Variants in SPINDOC observed in about 807,000 individuals in gnomAD.
SPINDOC encodes the protein spindlin interactor and repressor of chromatin binding, also known as spindlin interactor and repressor of chromatin-binding protein.
Under a neutral mutation model 30.7 loss-of-function variants are expected in SPINDOC, and 13 were observed. The observed-to-expected ratio is 0.42, with a 90% CI of 0.28 to 0.67. The LOEUF (loss-of-function observed/expected upper bound fraction) is 0.67. Ranked by LOEUF, SPINDOC falls within the 30% of genes least tolerant of loss-of-function variation. The probability of loss-of-function intolerance (pLI) is 0.22; values close to 1 mark genes in which losing one functional copy is unlikely to be tolerated. For synonymous variants in SPINDOC, 228 were observed against 211.4 expected (o/e 1.08, Z -0.68); for missense variants, 438 against 518.0 (o/e 0.85, Z 1.50).
intron 1 of SPINDOC, among the ~76,000 whole-genome samples, chr11:63,815,537 T>C (rs1251003145): frequency 1.3e-5 from 2 of 152,168 alleles, no homozygotes; most frequent in East Asian, 3.8e-4. Context: ...CTAGATTTCC[T>C]GGAAGTATCT....
At chr11:63,822,537 C>G in intron 5 of SPINDOC, 1 of 1,146,886 alleles carries the variant, frequency 8.7e-7, no homozygotes, top group Non-Finnish European at 1.2e-6. Flanking sequence ...TGTGTAGTTG[C>G]TTTTGTTTAT....
intron 1 of SPINDOC, 42 bp downstream of exon 1, chr11:63,813,855 G>A (rs749802894): frequency 4.9e-5 from 72 of 1,478,298 alleles, no homozygotes; most frequent in Non-Finnish European, 6.1e-5. Flanking sequence ...ACGGTGCGGG[G>A]CCGGGGCTGG....
rs772855529 is a variant in SPINDOC, at chr11:63,818,538, A to G, written c.619A>G (p.Thr207Ala). The change falls in exon 4 of 6, where the codon ACA (threonine) becomes GCA (alanine). Residue 207 changes from threonine to alanine, a missense_variant. Thr to Ala is a moderately conservative substitution (Grantham distance 58, BLOSUM62 0). Coordinates refer to ENST00000294244, the MANE Select transcript of SPINDOC (RefSeq NM_138471.3). This position sits in a 1 kb window ranked among gnomAD's most constrained non-coding sequence, Gnocchi z 5.3. ...RPLELPAVPA[T>A]EPGNKKPRGQ... is the part of the protein sequence containing the mutation. ...TTTTCTTTTTGCAGCTGTCCCTGCC[A>G]CAGAGCCAGGAAATAAGAAGCCCCG... 2 of 1,612,722 alleles carry G rather than the reference A, an allele frequency of 1.2e-6. No homozygotes were observed. The highest frequency in any genetic ancestry group is 3.3e-5 in the Admixed American group (2 of 59,982).
At chr11:63,824,813 T>A (rs549008015) in intron 5 of SPINDOC, among the ~76,000 whole-genome samples, 1 of 150,282 alleles carries the variant, frequency 6.7e-6, no homozygotes, top group Non-Finnish European at 1.5e-5. Flanking sequence ...GAACCCCCAG[T>A]CTCACCAATG....
At chr11:63,820,909 A>AAAAAAAAAAAAC (rs749681859) in intron 5 of SPINDOC, among the ~76,000 whole-genome samples, 1 of 138,324 alleles carries the variant, frequency 7.2e-6, no homozygotes, top group Non-Finnish European at 1.6e-5. Context: ...AAAAAAAAAC[A>AAAAAAAAAAAAC]ACACACATCG....
intron 5 of SPINDOC, among the ~76,000 whole-genome samples, chr11:63,824,088 T>G (rs888662965): frequency 6.6e-6 from 1 of 151,908 alleles, no homozygotes; most frequent in Non-Finnish European, 1.5e-5. Context: ...TTTTGTATTA[T>G]TAGTAGAGAT....
At chr11:63,813,857 CGGGGCT>C in intron 1 of SPINDOC, 44 bp downstream of exon 1, 1 of 1,474,016 alleles carries the variant, frequency 6.8e-7, no homozygotes, top group Non-Finnish European at 9.1e-7. Context: ...GGTGCGGGGC[CGGGGCT>C]GGGGCCGTCC....
Position 63,818,710 on chromosome 11 carries a change from G to A in SPINDOC, c.733+58G>A, listed in dbSNP as rs1300033004. ...TGGCCGCAGTGCTCTGAGGAAATCC[G>A]CATCAGTGAGGATGGAGCAGGGCCT... On this transcript the variant is annotated intron_variant, in intron 4 of 5. Coordinates refer to ENST00000294244, the MANE Select transcript of SPINDOC (RefSeq NM_138471.3). The surrounding 1 kb of genome is among the most constrained non-coding windows in gnomAD (Gnocchi z 5.3). 2.0e-5 allele frequency: 33 copies of A among 1,611,380 alleles called. No individual in the cohort carries two copies. The highest frequency in any genetic ancestry group is 1.2e-4 in the African/African-American group (9 of 74,772).
intron 5 of SPINDOC, among the ~76,000 whole-genome samples, chr11:63,824,064 C>T (rs148505115): frequency 2.6e-5 from 4 of 152,126 alleles, no homozygotes; most frequent in African/African-American, 4.8e-5. Flanking sequence ...TGCGCCACCA[C>T]GCCTGGCTAA....
rs1321851586 is a variant in SPINDOC, at chr11:63,817,872, G to A, written c.195G>A (p.Glu65=). The A allele has an allele frequency of 6.2e-7, 1 of 1,611,896 alleles. No individual in the cohort carries two copies. Among genetic ancestry groups the A allele is most frequent in the South Asian group, 1.1e-5 (1 of 90,754 alleles). The change falls in exon 2 of 6, where the codon GAG becomes GAA. Residue 65 remains glutamate, a synonymous_variant. Transcript: ENST00000294244. ...TAGAGGCAGGCAGTGATGGCTGTGA[G>A]GAGCCGAAGCAGCAGGTGTCTTGGG... The part of the protein sequence containing the change: ...SPLEAGSDGC[E]EPKQQVSWEQ...
chr11:63,822,133 AG>A lies in SPINDOC; in HGVS notation c.934+3133del, dbSNP rs1269973292. ...CAAAGTGGGAAGATTGCCTGAGGCT[AG>A]GTGTTCGAGACCAACCTGAGCAACA... On this transcript the variant is annotated intron_variant, in intron 5 of 5. Transcript: ENST00000294244. Among the ~76,000 whole-genome samples, 3 of 152,126 alleles carry A rather than the reference AG, an allele frequency of 2.0e-5. No individual in the cohort carries two copies. In the East Asian group the frequency reaches 5.8e-4, roughly 29 times the overall value.
chr11:63,815,769 T>A, intron 1 of SPINDOC, among the ~76,000 whole-genome samples: 1 of 128,560 alleles, frequency 7.8e-6, no homozygotes, highest in South Asian at 2.3e-4. Flanking sequence ...TGGTCATGGA[T>A]TTTTTTTTTT....
In SPINDOC at chr11:63,818,740, G is replaced by A. The variant is rs529071042; in HGVS notation, c.734-62G>A. ...AGTGAGGATGGAGCAGGGCCTGGGC[G>A]CAGGGCGCCTGCAGCTCCTGAGGCT... On this transcript the variant is annotated intron_variant, in intron 4 of 5. Transcript: ENST00000294244. This position sits in a 1 kb window ranked among gnomAD's most constrained non-coding sequence, Gnocchi z 5.3. The A allele has an allele frequency of 5.6e-6, 9 of 1,611,832 alleles. No individual in the cohort carries two copies. Among genetic ancestry groups the A allele is most frequent in the African/African-American group, 2.7e-5 (2 of 74,984 alleles).
chr11:63,814,640 A>G (rs1471024981), intron 1 of SPINDOC, among the ~76,000 whole-genome samples: 1 of 152,188 alleles, frequency 6.6e-6, no homozygotes, highest in African/African-American at 2.4e-5. Flanking sequence ...GCGGGATAGT[A>G]CCCAAAAGAG....
chr11:63,813,846 C>G, intron 1 of SPINDOC, 33 bp downstream of exon 1: 2 of 1,483,776 alleles, frequency 1.3e-6, no homozygotes, highest in Non-Finnish European at 9.0e-7. Flanking sequence ...TTCCGCGTCA[C>G]GGTGCGGGGC....
At position 63,822,510 on chromosome 11, in the gene SPINDOC, CTG is replaced by C. The variant is rs974345742; in HGVS notation, c.934+3514_934+3515del. On this transcript the variant is annotated intron_variant, in intron 5 of 5. Coordinates refer to ENST00000294244, the MANE Select transcript of SPINDOC (RefSeq NM_138471.3). ...GTTTGTATCCTTCAGAGAGAGCTCT[CTG>C]TGTGTTTGCGTGTGTGTGTAGTTGC... 5.5e-5 allele frequency: 49 copies of C among 885,652 alleles called. No homozygotes were observed. The African/African-American group carries it at 7.3e-4, about 13-fold the overall frequency. 54.9% of individuals were successfully genotyped at this position (885,652 alleles called of 1,614,324 possible). A position where few individuals can be genotyped will look rare whatever the true frequency, so the allele number is the denominator to read the frequency against.
chr11:63,822,162 A>G (rs878894925), intron 5 of SPINDOC, among the ~76,000 whole-genome samples: 1 of 152,048 alleles, frequency 6.6e-6, no homozygotes, highest in South Asian at 2.1e-4. Flanking sequence ...GAGCAACATA[A>G]GGAGACTCCA....
intron 1 of SPINDOC, among the ~76,000 whole-genome samples, chr11:63,814,029 T>A (rs1426192525): frequency 4.6e-5 from 7 of 152,072 alleles, no homozygotes; most frequent in African/African-American, 1.7e-4. Flanking sequence ...TCCCTTCCCC[T>A]TTCCCCCGCC....
chr11:63,819,178 G>C (rs1035585565), intron 5 of SPINDOC, among the ~76,000 whole-genome samples, 176 bp downstream of exon 5: 1 of 152,200 alleles, frequency 6.6e-6, no homozygotes, highest in Admixed American at 6.5e-5. Context: ...TGAATGATGA[G>C]GAAGGCTGGC....
Sources: gnomAD v4.1 joint callset for allele counts (sites outside exome capture counted in the v4.1 genomes callset) on GRCh38, gnomAD v4.1.1 for gene constraint, Gnocchi (gnomAD v3.1) non-coding constraint, MANE v1.5 for transcripts, NCBI Gene and HGNC (gene_info 2026-07-23, HGNC 2026-07-21) for gene names.